The following IGF1R variants were observed in gnomAD, a reference collection of about 807,000 sequenced individuals.
IGF1R encodes the protein insulin-like growth factor 1 receptor.
IGF1R carries 44 observed loss-of-function variants against 144.6 expected under a neutral mutation model. The observed-to-expected ratio is 0.30, with a 90% confidence interval of 0.24 to 0.39. The LOEUF (loss-of-function observed/expected upper bound fraction) is 0.39. Among genes scored for constraint, IGF1R ranks in the 10% least tolerant of loss-of-function variants. IGF1R has a pLI of 1.00. For synonymous variants in IGF1R, 795 were observed against 722.8 expected, an observed-to-expected ratio of 1.10 and a Z score of -1.60; for missense variants, 1,355 against 1,833.7, an observed-to-expected ratio of 0.74 and a Z score of 4.77.
intron 2 of IGF1R, among the ~76,000 whole-genome samples, chr15:98,733,556 C>A (rs1470018481): frequency 9.2e-5 from 14 of 151,718 alleles, no homozygotes; most frequent in Non-Finnish European, 2.1e-4. Context: ...CAGGGGAATT[C>A]CCTCTCCGAG....
intron 2 of IGF1R, among the ~76,000 whole-genome samples, chr15:98,768,781 A>AAAAAAAGCCGGGCGCGGT (rs57798044): frequency 1.4e-5 from 2 of 145,464 alleles, no homozygotes; most frequent in East Asian, 2.1e-4. Context: ...AAAAAAAAAA[A>AAAAAAAGCCGGGCGCGGT]GCCGGGCGCG....
intron 2 of IGF1R, among the ~76,000 whole-genome samples, chr15:98,751,109 A>G (rs2141333730): frequency 6.6e-6 from 1 of 152,300 alleles, no homozygotes; most frequent in East Asian, 1.9e-4. Flanking sequence ...GATGTTTAAA[A>G]CAAACACATT....
chr15:98,891,159 CAG>C lies in IGF1R; in HGVS notation c.641-165_641-164del, dbSNP rs2151643945. On this transcript the variant is annotated intron_variant, in intron 2 of 20. Coordinates refer to ENST00000650285, the MANE Select transcript of IGF1R (RefSeq NM_000875.5). This position sits in a 1 kb window ranked among gnomAD's most constrained non-coding sequence, Gnocchi z 4.7. ...CTGCAGGTCTAAGTGGATGAAAGGA[CAG>C]TGGTGGGGGTGAGGATTTCGTAGTG... Among the ~76,000 whole-genome samples the C allele has an allele frequency of 6.6e-6, 1 of 152,294 alleles. No individual in the cohort carries two copies. Among genetic ancestry groups the C allele is most frequent in the South Asian group, 2.1e-4 (1 of 4,824 alleles).
At chr15:98,923,495 A>G (rs1465212734) in intron 11 of IGF1R, among the ~76,000 whole-genome samples, 2 of 152,164 alleles carry the variant, frequency 1.3e-5, no homozygotes, top group African/African-American at 4.8e-5. Flanking sequence ...TGGCTTCACA[A>G]AGCTTTCTTT....
intron 2 of IGF1R, among the ~76,000 whole-genome samples, chr15:98,870,988 C>A (rs1470039389): frequency 6.6e-6 from 1 of 152,252 alleles, no homozygotes. Flanking sequence ...GACGGCTGCA[C>A]CAGCCAGTTG....
intron 6 of IGF1R, among the ~76,000 whole-genome samples, chr15:98,909,261 CTTTT>C (rs752298130): frequency 2.2e-5 from 2 of 91,758 alleles, no homozygotes; most frequent in Non-Finnish European, 4.1e-5. Context: ...CTTTTTTTTT[CTTTT>C]TTTTTTTTTT....
chr15:98,746,095 G>A (rs2054858353), intron 2 of IGF1R, among the ~76,000 whole-genome samples: 1 of 152,188 alleles, frequency 6.6e-6, no homozygotes, highest in South Asian at 2.1e-4. Context: ...AGTATATTAG[G>A]TGGAGAAGGC....
intron 2 of IGF1R, among the ~76,000 whole-genome samples, chr15:98,819,124 G>A (rs926969516): frequency 6.6e-6 from 1 of 152,102 alleles, no homozygotes; most frequent in Non-Finnish European, 1.5e-5. Context: ...GACATCCAGG[G>A]GGGGCAAGCT....
intron 2 of IGF1R, among the ~76,000 whole-genome samples, chr15:98,874,086 A>T (rs1443547415): frequency 6.6e-6 from 1 of 152,110 alleles, no homozygotes; most frequent in Non-Finnish European, 1.5e-5. Flanking sequence ...GGGAGGAGTT[A>T]TGGGCATGTG....
intron 2 of IGF1R, among the ~76,000 whole-genome samples, chr15:98,846,386 A>G (rs986651739): frequency 1.3e-5 from 2 of 152,246 alleles, no homozygotes; most frequent in African/African-American, 4.8e-5. Flanking sequence ...AAATTTGGAA[A>G]TAATGAACAG....
In IGF1R at chr15:98,934,131, T is replaced by G. The variant is rs569675173; in HGVS notation, c.2957-693T>G. On this transcript the variant is annotated intron_variant, in intron 15 of 20. Transcript: ENST00000650285. ...AATATTTCACTTTTTTTTTTTTTTTTGTCTAATCTTTGAAATCCCATGTGC... is the reference window on the plus strand; with the variant it reads ...AATATTTCACTTTTTTTTTTTTTTTGGTCTAATCTTTGAAATCCCATGTGC... Among the ~76,000 whole-genome samples the G allele has an allele frequency of 3.4e-3, 425 of 126,106 alleles. 1 individual carries two copies. The highest frequency in any genetic ancestry group is 0.011 in the African/African-American group (395 of 35,464). The allele number at this position is 126,106 out of a possible 152,430, so 82.7% of individuals were successfully genotyped here. A position where few individuals can be genotyped will look rare whatever the true frequency, so the allele number is the denominator to read the frequency against.
In IGF1R at chr15:98,961,832, C is replaced by CCGTGTT. The variant is rs2017238057; in HGVS notation, c.*4395_*4400dup. On this transcript the variant is annotated 3_prime_UTR_variant, in exon 21 of 21. Transcript: ENST00000650285. ...AGCCTCCTCCTTGGAAGATGGAAGA[C>CCGTGTT]CGTGTTCGTGGCCGACCTGGCCTCT... 4 of 233,312 alleles carry CCGTGTT rather than the reference C, an allele frequency of 1.7e-5. No individual in the cohort carries two copies. Among genetic ancestry groups the CCGTGTT allele is most frequent in the African/African-American group, 8.8e-5 (4 of 45,476 alleles). The allele number at this position is 233,312 out of a possible 1,614,324, so 14.5% of individuals were successfully genotyped here.
chr15:98,852,540 A>G (rs985862769), intron 2 of IGF1R, among the ~76,000 whole-genome samples: 2 of 152,172 alleles, frequency 1.3e-5, no homozygotes, highest in African/African-American at 4.8e-5. Flanking sequence ...CAGCAGGAGT[A>G]TTAGGGAGGC....
intron 2 of IGF1R, among the ~76,000 whole-genome samples, chr15:98,737,842 T>C (rs1343165409): frequency 1.3e-5 from 2 of 152,280 alleles, no homozygotes; most frequent in Non-Finnish European, 2.9e-5. Flanking sequence ...TCTCTCTTGC[T>C]CAGGGTCTCC....
chr15:98,947,660 CTGTTT>C (rs1227841681), intron 19 of IGF1R, among the ~76,000 whole-genome samples: 3 of 152,240 alleles, frequency 2.0e-5, no homozygotes, highest in Non-Finnish European at 4.4e-5. Context: ...TGTGTACTCT[CTGTTT>C]TGTTTTCCAG....
chr15:98,698,636 A>G (rs1036852330), intron 1 of IGF1R, among the ~76,000 whole-genome samples: 10 of 152,214 alleles, frequency 6.6e-5, no homozygotes, highest in Non-Finnish European at 1.5e-4. Flanking sequence ...CTTCCTGTGC[A>G]TGAACTAGAG....
intron 1 of IGF1R, among the ~76,000 whole-genome samples, chr15:98,669,869 C>T (rs1272236613): frequency 6.6e-6 from 1 of 152,252 alleles, no homozygotes; most frequent in South Asian, 2.1e-4. Context: ...GTAGGCCTGC[C>T]CCCAGTGCAC....
chr15:98,829,232 C>T lies in IGF1R; in HGVS notation c.641-62093C>T, dbSNP rs541940507. Reference sequence around the variant, plus strand: ...TTTGCTAGATTCCTTGTTGCTGCAGCCGTTTCTGATGTCCTTTTCCCCTTC... The same window carrying T: ...TTTGCTAGATTCCTTGTTGCTGCAGTCGTTTCTGATGTCCTTTTCCCCTTC... On this transcript the variant is annotated intron_variant, in intron 2 of 20. Transcript: ENST00000650285. Among the ~76,000 whole-genome samples, 51 of 152,250 alleles carry T rather than the reference C, an allele frequency of 3.3e-4. 1 individual carries two copies. The highest frequency in any genetic ancestry group is 9.6e-4 in the African/African-American group (40 of 41,548).
intron 2 of IGF1R, among the ~76,000 whole-genome samples, chr15:98,827,306 T>C (rs1056261635): frequency 6.6e-6 from 1 of 152,360 alleles, no homozygotes; most frequent in East Asian, 1.9e-4. Context: ...GATTCTGCAC[T>C]ATGCCCTGTA....
Sources: gnomAD v4.1 joint callset for allele counts (sites outside exome capture counted in the v4.1 genomes callset) on GRCh38, gnomAD v4.1.1 for gene constraint, Gnocchi (gnomAD v3.1) non-coding constraint, MANE v1.5 for transcripts, NCBI Gene and HGNC (gene_info 2026-07-23, HGNC 2026-07-21) for gene names.